The following MAPK10 variants were observed in gnomAD, a reference collection of about 807,000 sequenced individuals.
The protein encoded by MAPK10 is mitogen-activated protein kinase 10.
Under a neutral mutation model 59.3 loss-of-function variants are expected in MAPK10, and 25 were observed. The ratio of observed to expected loss-of-function variants is 0.42; its 90% CI spans 0.31 to 0.59. The LOEUF (loss-of-function observed/expected upper bound fraction) is 0.59. Among genes scored for constraint, MAPK10 ranks in the 20% least tolerant of loss-of-function variants. The pLI is 0.15. For missense variants in MAPK10, 351 were observed against 568.9 expected (o/e 0.62, Z 3.90); for synonymous variants, 190 against 200.5 (o/e 0.95, Z 0.44).
At chr4:86,297,308 G>GTTTGTT (rs949019815) in intron 2 of MAPK10, among the ~76,000 whole-genome samples, 1 of 151,992 alleles carries the variant, frequency 6.6e-6, no homozygotes, top group Admixed American at 6.6e-5. Flanking sequence ...TTGTTTGTTT[G>GTTTGTT]TTTGTTTTTG....
At chr4:86,063,454 A>T (rs1308359206) in intron 11 of MAPK10, among the ~76,000 whole-genome samples, 3 of 152,204 alleles carry the variant, frequency 2.0e-5, no homozygotes, top group African/African-American at 2.4e-5. Context: ...GAAGCTTCTC[A>T]TGTTTAAGGG....
intron 1 of MAPK10, among the ~76,000 whole-genome samples, chr4:86,467,731 G>C (rs1459967755): frequency 6.6e-6 from 1 of 152,170 alleles, no homozygotes; most frequent in Non-Finnish European, 1.5e-5. Context: ...CGTTGGCCAG[G>C]ATGGTCTCGA....
chr4:86,059,506 T>C (rs1026774732), intron 11 of MAPK10, among the ~76,000 whole-genome samples: 10 of 152,194 alleles, frequency 6.6e-5, no homozygotes, highest in Non-Finnish European at 1.3e-4. Flanking sequence ...CACTAATACA[T>C]GTAACTGTTA....
rs111495054 is a variant in MAPK10 at position 86,541,526 on chromosome 4, T to C, written c.-263+52384A>G. On this transcript the variant is annotated intron_variant, in intron 1 of 4. Transcript: ENST00000502302. ...AAATCTTGAGAGGGAAAAATAGCCCTGAGAGGGAGGCTGAACTTCAAATGT... is the reference window on the plus strand; with the variant it reads ...AAATCTTGAGAGGGAAAAATAGCCCCGAGAGGGAGGCTGAACTTCAAATGT... 2.0e-5 allele frequency among the ~76,000 whole-genome samples: 3 copies of C among 152,202 alleles called. 1 individual carries two copies. Among genetic ancestry groups the C allele is most frequent in the African/African-American group, 7.2e-5 (3 of 41,516 alleles).
intron 11 of MAPK10, among the ~76,000 whole-genome samples, chr4:86,061,628 G>T (rs1344800067): frequency 6.6e-6 from 1 of 152,068 alleles, no homozygotes; most frequent in African/African-American, 2.4e-5. Context: ...ATAACTAATA[G>T]CTTAGCACAC....
At chr4:86,523,282 C>T (rs942662941) in intron 1 of MAPK10, among the ~76,000 whole-genome samples, 1 of 152,070 alleles carries the variant, frequency 6.6e-6, no homozygotes, top group Admixed American at 6.6e-5. Flanking sequence ...CACACTGACC[C>T]CCATCCCCAA....
intron 1 of MAPK10, among the ~76,000 whole-genome samples, chr4:86,381,318 G>A (rs555405699): frequency 1.7e-3 from 253 of 152,234 alleles, no homozygotes; most frequent in Non-Finnish European, 2.3e-3. Context: ...TGGGAGACAC[G>A]TGTTTGCCTT....
intron 1 of MAPK10, among the ~76,000 whole-genome samples, chr4:86,379,246 C>T (rs1476820514): frequency 6.6e-6 from 1 of 152,206 alleles, no homozygotes; most frequent in African/African-American, 2.4e-5. Context: ...ACGAAACGTC[C>T]ATCTCCATCT....
chr4:86,224,747 T>C lies in MAPK10; in HGVS notation c.-6-30340A>G, dbSNP rs936440138. On this transcript the variant is annotated intron_variant, in intron 2 of 13. Transcript: ENST00000641462. Reference sequence around the variant, plus strand: ...AGATAACATAATCTATGCACAAGATTTGATAAATCTGAGTTTGTGTTTTCC... The same window carrying C: ...AGATAACATAATCTATGCACAAGATCTGATAAATCTGAGTTTGTGTTTTCC... Among the ~76,000 whole-genome samples the C allele has an allele frequency of 1.4e-4, 21 of 152,324 alleles. 1 individual carries two copies. Among genetic ancestry groups the C allele is most frequent in the South Asian group, 2.1e-4 (1 of 4,830 alleles).
At chr4:86,572,882 T>C (rs1761572154) in intron 1 of MAPK10, among the ~76,000 whole-genome samples, 1 of 152,246 alleles carries the variant, frequency 6.6e-6, no homozygotes, top group South Asian at 2.1e-4. Flanking sequence ...ATTTGCATTT[T>C]CCTAATTAAT....
intron 1 of MAPK10, among the ~76,000 whole-genome samples, chr4:86,577,127 G>T (rs1761960364): frequency 6.6e-6 from 1 of 152,004 alleles, no homozygotes; most frequent in Non-Finnish European, 1.5e-5. Context: ...AATGTAGTGA[G>T]AACCCCCGCA....
intron 1 of MAPK10, among the ~76,000 whole-genome samples, chr4:86,410,667 T>C (rs567525103): frequency 8.5e-5 from 13 of 152,346 alleles, no homozygotes; most frequent in African/African-American, 3.1e-4. Flanking sequence ...CCATTTCTTC[T>C]AGATTTTCTA....
chr4:86,258,266 A>G (rs2093836105), intron 2 of MAPK10, among the ~76,000 whole-genome samples: 1 of 151,982 alleles, frequency 6.6e-6, no homozygotes, highest in Non-Finnish European at 1.5e-5. Context: ...CCATCACTAG[A>G]TTGTGTATAA....
At chr4:86,429,988 T>C (rs760129822) in intron 1 of MAPK10, among the ~76,000 whole-genome samples, 6 of 152,142 alleles carry the variant, frequency 3.9e-5, no homozygotes, top group Non-Finnish European at 8.8e-5. Flanking sequence ...GCTCAGACCA[T>C]TGAAGTTATT....
intron 5 of MAPK10, among the ~76,000 whole-genome samples, chr4:86,103,617 G>C (rs1041706795): frequency 6.6e-5 from 10 of 152,082 alleles, no homozygotes; most frequent in African/African-American, 2.4e-4. Context: ...CACTCAGTGA[G>C]ACTTAGCAAG....
At chr4:86,343,881 T>A (rs1280814340) in intron 2 of MAPK10, among the ~76,000 whole-genome samples, 2 of 82,288 alleles carry the variant, frequency 2.4e-5, no homozygotes, top group Admixed American at 2.7e-4. Context: ...AAAGTAGTTT[T>A]CATAAAAAGA....
At chr4:86,100,933 T>C in intron 8 of MAPK10, 119 bp downstream of exon 8, 2 of 802,310 alleles carry the variant, frequency 2.5e-6, no homozygotes, top group Non-Finnish European at 3.9e-6. Context: ...CTGAATATGC[T>C]ATCTGGCAGC....
chr4:86,507,233 T>C (rs894573707), intron 1 of MAPK10, among the ~76,000 whole-genome samples: 3 of 151,666 alleles, frequency 2.0e-5, no homozygotes, highest in Admixed American at 6.6e-5. Flanking sequence ...ATAGATGAAA[T>C]AGTCATTAAA....
upstream of MAPK10, among the ~76,000 whole-genome samples, chr4:86,457,109 C>T (rs368975630): frequency 6.7e-6 from 1 of 150,010 alleles, no homozygotes. Flanking sequence ...ATCTAGCATC[C>T]CTTTATGATT....
Sources: allele counts gnomAD v4.1 joint callset (sites outside exome capture counted in the v4.1 genomes callset), GRCh38; gene constraint gnomAD v4.1.1; transcripts MANE v1.5; gene names NCBI Gene and HGNC (gene_info 2026-07-23, HGNC 2026-07-21).